Variants in TBCK observed in about 807,000 individuals in gnomAD.
TBCK encodes TBC1 domain containing kinase.
Under a neutral mutation model 113.4 loss-of-function variants are expected in TBCK, and 99 were observed. That is an observed-to-expected ratio of 0.87 (90% confidence interval 0.74 to 1.03). The LOEUF is 1.03. Ranked by LOEUF, TBCK falls within the 50% of genes least tolerant of loss-of-function variation. The pLI, the probability that TBCK is intolerant of heterozygous loss-of-function variation, is 0.00. For synonymous variants in TBCK, 369 were observed against 370.8 expected (o/e 1.00, Z 0.05); for missense variants, 1,045 against 1,061.3 (o/e 0.98, Z 0.21).
intron 5 of TBCK, among the ~76,000 whole-genome samples, chr4:106,258,836 T>C (rs921926918): frequency 3.3e-5 from 5 of 151,880 alleles, no homozygotes; most frequent in African/African-American, 1.2e-4. Context: ...TATTCAACTA[T>C]AAGTTGAATA....
intron 24 of TBCK, among the ~76,000 whole-genome samples, chr4:106,104,767 C>A (rs1187953857): frequency 6.6e-6 from 1 of 152,256 alleles, no homozygotes; most frequent in Non-Finnish European, 1.5e-5. Context: ...TCCATACCTC[C>A]CTGGGACAAA....
At chr4:106,308,224 T>C (rs563757911) in intron 2 of TBCK, among the ~76,000 whole-genome samples, 13 of 152,296 alleles carry the variant, frequency 8.5e-5, no homozygotes, top group African/African-American at 2.9e-4. Context: ...CAAACACTTA[T>C]TGAGTGCTCT....
intron 19 of TBCK, among the ~76,000 whole-genome samples, chr4:106,222,972 AAG>A (rs1372554057): frequency 5.9e-5 from 9 of 152,156 alleles, no homozygotes; most frequent in African/African-American, 2.2e-4. Context: ...TAGCTAAAAA[AAG>A]AATCTACAGA....
chr4:106,130,389 C>A (rs1358746163), intron 23 of TBCK, among the ~76,000 whole-genome samples: 3 of 151,792 alleles, frequency 2.0e-5, no homozygotes, highest in Non-Finnish European at 4.4e-5. Flanking sequence ...TGTTAATACA[C>A]AATAAAAGAG....
intron 23 of TBCK, among the ~76,000 whole-genome samples, chr4:106,156,878 T>C (rs1749189942): frequency 6.6e-6 from 1 of 152,116 alleles, no homozygotes; most frequent in African/African-American, 2.4e-5. Flanking sequence ...AGTTGGTACC[T>C]AAGGTGTAAG....
intron 25 of TBCK, among the ~76,000 whole-genome samples, chr4:106,048,003 T>A (rs1734403990): frequency 6.6e-6 from 1 of 152,108 alleles, no homozygotes; most frequent in African/African-American, 2.4e-5. Context: ...CTTAGTAATA[T>A]CTCAAGGCAG....
At chr4:106,203,505 T>G (rs1755111208) in intron 20 of TBCK, among the ~76,000 whole-genome samples, 1 of 151,740 alleles carries the variant, frequency 6.6e-6, no homozygotes, top group Non-Finnish European at 1.5e-5. Context: ...ATACCAAAGA[T>G]TATATTAGTT....
intron 3 of TBCK, among the ~76,000 whole-genome samples, chr4:106,294,480 A>G (rs531066401): frequency 5.4e-5 from 8 of 149,014 alleles, no homozygotes; most frequent in South Asian, 2.2e-4. Flanking sequence ...ATACAGGAAA[A>G]TAATCTTTTT....
At chr4:106,151,184 T>A (rs1748441719) in intron 23 of TBCK, among the ~76,000 whole-genome samples, 2 of 152,184 alleles carry the variant, frequency 1.3e-5, no homozygotes, top group African/African-American at 4.8e-5. Flanking sequence ...CAAGCATTTA[T>A]CCTTTGTGTT....
chr4:106,061,334 G>A (rs1228206153), intron 25 of TBCK, among the ~76,000 whole-genome samples: 1 of 151,540 alleles, frequency 6.6e-6, no homozygotes, highest in East Asian at 1.9e-4. Flanking sequence ...TTGCCCTTTA[G>A]GAACCTTTAG....
chr4:106,125,438 T>C (rs74571473), intron 23 of TBCK, among the ~76,000 whole-genome samples: 30,964 of 152,072 alleles, frequency 0.2, 3,450 homozygotes, highest in South Asian at 0.27. Flanking sequence ...CCCATGCTTG[T>C]AATCCCATTA....
Position 106,295,063 on chromosome 4 carries a change from T to C in TBCK, c.266+31A>G, listed in dbSNP as rs756719306. 3 of 1,535,796 alleles carry C rather than the reference T, an allele frequency of 2.0e-6. No homozygotes were observed. The Admixed American group carries it at 5.8e-5, about 29-fold the overall frequency. On this transcript the variant is annotated intron_variant, in intron 3 of 25. Transcript: ENST00000394708. ...CCTTTTTGTTTGCCAAGTTCTGCTT[T>C]TCATTTAATTGTTCTGATACTATAC... is the stretch of plus-strand genomic sequence containing the variant.
At chr4:106,109,829 A>C (rs535403558) in intron 24 of TBCK, among the ~76,000 whole-genome samples, 4 of 152,328 alleles carry the variant, frequency 2.6e-5, no homozygotes, top group African/African-American at 7.2e-5. Flanking sequence ...TCAACAGAGT[A>C]AACAGACTGT....
chr4:106,211,597 C>A (rs1336847408), intron 20 of TBCK, among the ~76,000 whole-genome samples: 1 of 152,012 alleles, frequency 6.6e-6, no homozygotes, highest in Non-Finnish European at 1.5e-5. Context: ...TCTTCCCATG[C>A]ATTGTGAGAA....
chr4:106,174,574 A>C (rs986764648), intron 22 of TBCK, among the ~76,000 whole-genome samples: 1 of 152,058 alleles, frequency 6.6e-6, no homozygotes, highest in Non-Finnish European at 1.5e-5. Flanking sequence ...CATATACTTC[A>C]TTGTGCTGGG....
intron 23 of TBCK, among the ~76,000 whole-genome samples, chr4:106,130,625 CA>C (rs1560695061): frequency 2.1e-4 from 31 of 151,148 alleles, no homozygotes; most frequent in African/African-American, 6.1e-4. Context: ...CACACACACA[CA>C]CACCACACAG....
intron 3 of TBCK, among the ~76,000 whole-genome samples, chr4:106,279,302 A>T (rs1579489564): frequency 1.3e-5 from 2 of 152,108 alleles, no homozygotes; most frequent in South Asian, 2.1e-4. Context: ...ATTTTTTAAA[A>T]TTTTTTTAAT....
chr4:106,261,554 C>T (rs181771768), intron 4 of TBCK, among the ~76,000 whole-genome samples: 159 of 152,168 alleles, frequency 1.0e-3, no homozygotes, highest in African/African-American at 3.5e-3. Context: ...TATAACCTTA[C>T]TATCCATAAT....
chr4:106,146,916 G>A (rs1747868043), intron 23 of TBCK, among the ~76,000 whole-genome samples: 1 of 152,154 alleles, frequency 6.6e-6, no homozygotes, highest in Non-Finnish European at 1.5e-5. Context: ...TATCAAATAA[G>A]TTTACATAAT....
Sources: gnomAD v4.1 joint callset for allele counts (sites outside exome capture counted in the v4.1 genomes callset) on GRCh38, gnomAD v4.1.1 for gene constraint, MANE v1.5 for transcripts, NCBI Gene and HGNC (gene_info 2026-07-23, HGNC 2026-07-21) for gene names.